Variants in SGO2 observed in about 807,000 individuals in gnomAD.
SGO2 encodes the protein shugoshin-like 2.
In SGO2, 68 loss-of-function variants were observed where a neutral mutation model predicts 99.5. The ratio of observed to expected loss-of-function variants is 0.68; its 90% confidence interval spans 0.56 to 0.84. The LOEUF is 0.84. Among genes scored for constraint, SGO2 ranks in the 40% least tolerant of loss-of-function variants. The pLI is 0.00. For synonymous variants in SGO2, 457 were observed against 487.1 expected, an observed-to-expected ratio of 0.94 and a Z score of 0.81; for missense variants, 1,350 against 1,436.7, an observed-to-expected ratio of 0.94 and a Z score of 0.97.
Position 200,583,445 on chromosome 2 carries a change from G to A in SGO2, c.3783-4G>A. On this transcript the variant is annotated splice_region_variant and splice_polypyrimidine_tract_variant and intron_variant, in intron 8 of 8. Transcript: ENST00000357799. ...ATTAATCTTCCTTTTTTTCTACTTT[G>A]CAGCAAGATGAGAAGATGAAGTGAA... 1.3e-6 allele frequency: 2 copies of A among 1,578,244 alleles called. No homozygotes were observed. The highest frequency in any genetic ancestry group is 1.8e-5 in the Admixed American group (1 of 54,674).
intron 5 of SGO2, among the ~76,000 whole-genome samples, chr2:200,549,620 A>AT (rs2032376891): frequency 6.6e-6 from 1 of 152,208 alleles, no homozygotes; most frequent in African/African-American, 2.4e-5. Flanking sequence ...AATCAATGTG[A>AT]TTCACCACAT....
At chr2:200,559,747 A>G (rs921516282) in intron 5 of SGO2, among the ~76,000 whole-genome samples, 3 of 152,124 alleles carry the variant, frequency 2.0e-5, no homozygotes, top group African/African-American at 7.2e-5. Context: ...TTGATATACC[A>G]TATCATTATT....
At chr2:200,575,242 A>G in intron 7 of SGO2, 69 bp from the exon 8 acceptor site, 2 of 967,364 alleles carry the variant, frequency 2.1e-6, no homozygotes, top group Admixed American at 5.3e-5. Context: ...AGACCACTAT[A>G]TAGCTCATAT....
intron 5 of SGO2, among the ~76,000 whole-genome samples, chr2:200,544,694 TCTA>T (rs1452135402): frequency 2.7e-5 from 3 of 111,100 alleles, no homozygotes; most frequent in African/African-American, 1.0e-4. Context: ...ACTTGGGAGA[TCTA>T]TCTATCTATC....
chr2:200,574,019 GT>G, intron 7 of SGO2, 42 bp downstream of exon 7: 2 of 1,456,182 alleles, frequency 1.4e-6, no homozygotes, highest in Non-Finnish European at 1.8e-6. Context: ...TTTTAGAAGT[GT>G]TTTGTTTTTT....
At chr2:200,542,974 T>A in intron 5 of SGO2, 1 of 186,072 alleles carries the variant, frequency 5.4e-6, no homozygotes, top group Non-Finnish European at 1.1e-5. Context: ...GTTTCTACCT[T>A]TATTATCCTG....
intron 4 of SGO2, among the ~76,000 whole-genome samples, chr2:200,537,046 T>C (rs2031727834): frequency 6.6e-6 from 1 of 152,146 alleles, no homozygotes; most frequent in Non-Finnish European, 1.5e-5. Flanking sequence ...TACCTTTTTA[T>C]GTGACATATC....
intron 3 of SGO2, among the ~76,000 whole-genome samples, chr2:200,535,535 A>C (rs903923387): frequency 6.6e-6 from 1 of 152,156 alleles, no homozygotes; most frequent in Non-Finnish European, 1.5e-5. Context: ...TTTTAATCTC[A>C]GCATTTACCT....
At chr2:200,546,638 A>C (rs2032232814) in intron 5 of SGO2, among the ~76,000 whole-genome samples, 2 of 152,244 alleles carry the variant, frequency 1.3e-5, no homozygotes, top group African/African-American at 4.8e-5. Context: ...AAAGAAAAGC[A>C]GCTCAGAAAT....
At position 200,575,409 on chromosome 2, in the gene SGO2, A is replaced by T; in HGVS notation, c.3730A>T (p.Ser1244Cys). The T allele has an allele frequency of 6.2e-7, 1 of 1,604,826 alleles. No individual in the cohort carries two copies. The highest frequency in any genetic ancestry group is 8.5e-7 in the Non-Finnish European group (1 of 1,173,850). Residue 1244 changes from serine (S) to cysteine (C), a missense_variant, in exon 8 of 9, where the codon AGC becomes TGC. By Grantham distance (112) the Ser-to-Cys change is moderately radical. Coordinates refer to ENST00000357799, the MANE Select transcript of SGO2 (RefSeq NM_152524.6). ...AGAAGATCTATCTTCAGAACGGACA[A>T]GCAGAAGAAGAAGGTGTACTCCTTT... ...KSEDLSSERT[S>C]RRRRCTPFYF... is the part of the protein sequence containing the mutation.
At chr2:200,545,272 G>A (rs1361531017) in intron 5 of SGO2, among the ~76,000 whole-genome samples, 6 of 152,158 alleles carry the variant, frequency 3.9e-5, no homozygotes, top group African/African-American at 1.4e-4. Flanking sequence ...CTCGCAAAGT[G>A]CTAGGATTAC....
chr2:200,533,812 C>G (rs2031555144), intron 2 of SGO2, among the ~76,000 whole-genome samples: 1 of 152,194 alleles, frequency 6.6e-6, no homozygotes, highest in South Asian at 2.1e-4. Context: ...TAAAACAACC[C>G]AGCCTCCTGG....
chr2:200,538,502 C>T (rs2031806953), intron 4 of SGO2, among the ~76,000 whole-genome samples: 1 of 151,748 alleles, frequency 6.6e-6, no homozygotes, highest in Non-Finnish European at 1.5e-5. Context: ...ACACTTAACA[C>T]TCACTGTATG....
At chr2:200,581,159 G>A (rs986059107) in intron 8 of SGO2, among the ~76,000 whole-genome samples, 2 of 152,066 alleles carry the variant, frequency 1.3e-5, no homozygotes, top group South Asian at 2.1e-4. Flanking sequence ...TTATAACTGT[G>A]CTGTGATTGC....
intron 5 of SGO2, among the ~76,000 whole-genome samples, chr2:200,563,615 A>G (rs1422247088): frequency 1.3e-5 from 2 of 152,202 alleles, no homozygotes; most frequent in Non-Finnish European, 2.9e-5. Context: ...ATTGATTGGA[A>G]GAGTTTCAGA....
rs750194144 is a variant in SGO2, at chr2:200,542,612, A to G, written c.421A>G (p.Lys141Glu). Residue 141 changes from lysine to glutamate, a missense_variant, in exon 5 of 9, where the codon AAG (lysine) becomes GAG (glutamate). Lys to Glu is a moderately conservative substitution (Grantham distance 56). Transcript: ENST00000357799. ...GAGTTCCTTTCTACTGTCAGCTAGC[A>G]AGAAGAAACGAATTAGTAAACAGTG... ...HQSSFLLSASKKKRISKQCKL... is the reference protein window; with the variant it reads ...HQSSFLLSASEKKRISKQCKL... 5.6e-6 allele frequency: 9 copies of G among 1,613,002 alleles called. No homozygotes were observed. The African/African-American group carries it at 6.7e-5, about 12-fold the overall frequency.
chr2:200,571,728 A>C lies in SGO2; in HGVS notation c.1382A>C (p.Asn461Thr), dbSNP rs767923853. Residue 461 changes from asparagine to threonine, a missense_variant, in exon 7 of 9, where the codon AAT (asparagine) becomes ACT (threonine). Asn to Thr is a moderately conservative substitution (Grantham distance 65). Coordinates refer to ENST00000357799, the MANE Select transcript of SGO2 (RefSeq NM_152524.6). ...AATAATGAACAGCTGGCTCAGATGA[A>C]TGAACAGCTGGCTCAGGTGAATGAA... is the stretch of plus-strand genomic sequence containing the variant. ...IFNNEQLAQMNEQLAQVNELK... is the reference protein window; with the variant it reads ...IFNNEQLAQMTEQLAQVNELK... 2.5e-6 allele frequency: 4 copies of C among 1,613,800 alleles called. No individual in the cohort carries two copies. The South Asian group carries it at 3.3e-5, about 13-fold the overall frequency.
chr2:200,539,085 T>C (rs1283535787), intron 4 of SGO2, among the ~76,000 whole-genome samples: 1 of 152,142 alleles, frequency 6.6e-6, no homozygotes, highest in Non-Finnish European at 1.5e-5. Flanking sequence ...ATTATAATTG[T>C]TTTTCTTTAA....
chr2:200,575,552 T>C (rs751640449), intron 8 of SGO2, 91 bp downstream of exon 8: 5 of 889,846 alleles, frequency 5.6e-6, no homozygotes, highest in Non-Finnish European at 8.4e-6. Context: ...CTTCTGATAA[T>C]TCAATAAAAT....
Sources: gnomAD v4.1 joint callset for allele counts (sites outside exome capture counted in the v4.1 genomes callset) on GRCh38, gnomAD v4.1.1 for gene constraint, MANE v1.5 for transcripts, NCBI Gene and HGNC (gene_info 2026-07-23, HGNC 2026-07-21) for gene names.